ERC2: variants seen among roughly 807,000 people sequenced by gnomAD.
ERC2 encodes the protein ELKS/RAB6-interacting/CAST family member 2.
A neutral mutation model predicts 114.8 loss-of-function variants in ERC2; 42 were observed. The ratio of observed to expected loss-of-function variants is 0.37; its 90% CI spans 0.29 to 0.47. ERC2 has a LOEUF of 0.47. ERC2 is among the 20% of genes least tolerant of loss of function. The pLI is 0.99. For missense variants in ERC2, 939 were observed against 1,150.7 expected, an observed-to-expected ratio of 0.82 and a Z score of 2.66; for synonymous variants, 454 against 425.5, an observed-to-expected ratio of 1.07 and a Z score of -0.82.
At chr3:56,299,433 ATT>A (rs202209933) in intron 2 of ERC2, among the ~76,000 whole-genome samples, 6 of 120,804 alleles carry the variant, frequency 5.0e-5, no homozygotes, top group Admixed American at 8.6e-5. Context: ...CAGCTAATAG[ATT>A]TTTTTTTTTT....
At chr3:56,186,455 C>T (rs1349916503) in intron 3 of ERC2, among the ~76,000 whole-genome samples, 4 of 152,106 alleles carry the variant, frequency 2.6e-5, no homozygotes, top group Non-Finnish European at 5.9e-5. Context: ...GGTTCATCTC[C>T]GATGATAACA....
intron 14 of ERC2, among the ~76,000 whole-genome samples, chr3:55,829,685 C>T (rs1325288058): frequency 6.6e-6 from 1 of 152,058 alleles, no homozygotes; most frequent in Non-Finnish European, 1.5e-5. Context: ...CAGTTAATTG[C>T]TTTTTAAAAT....
chr3:55,707,007 G>T (rs2063527107), intron 15 of ERC2, among the ~76,000 whole-genome samples: 1 of 152,248 alleles, frequency 6.6e-6, no homozygotes, highest in African/African-American at 2.4e-5. Flanking sequence ...AGAGAGGGAA[G>T]AATGTCTTCA....
At chr3:55,986,075 C>T (rs2070604399) in intron 11 of ERC2, 87 bp from the exon 12 acceptor site, 1 of 1,289,874 alleles carries the variant, frequency 7.8e-7, no homozygotes, top group Non-Finnish European at 1.1e-6. Context: ...GAAGGAAATG[C>T]ATTAGTTTTA....
chr3:56,189,416 C>T (rs2083844655), intron 3 of ERC2, among the ~76,000 whole-genome samples: 1 of 152,212 alleles, frequency 6.6e-6, no homozygotes, highest in South Asian at 2.1e-4. Context: ...CAAGAACTGG[C>T]CATTCCACGC....
intron 14 of ERC2, among the ~76,000 whole-genome samples, chr3:55,735,596 A>C (rs971499670): frequency 2.6e-5 from 4 of 152,174 alleles, no homozygotes; most frequent in African/African-American, 9.7e-5. Flanking sequence ...CATGATCCTC[A>C]TGATCTAAGC....
At chr3:56,417,526 T>G (rs539795423) in intron 2 of ERC2, among the ~76,000 whole-genome samples, 262 of 152,292 alleles carry the variant, frequency 1.7e-3, no homozygotes, top group African/African-American at 6.1e-3. Flanking sequence ...CCTAAGCAGC[T>G]CATCTGAACT....
At chr3:56,102,461 T>C (rs2078414340) in intron 6 of ERC2, among the ~76,000 whole-genome samples, 1 of 152,060 alleles carries the variant, frequency 6.6e-6, no homozygotes, top group Non-Finnish European at 1.5e-5. Flanking sequence ...GAAAACTGAA[T>C]CCTGGGGACT....
intron 6 of ERC2, among the ~76,000 whole-genome samples, chr3:56,112,027 A>G (rs1463873195): frequency 1.3e-5 from 2 of 152,234 alleles, no homozygotes; most frequent in Admixed American, 6.5e-5. Flanking sequence ...TGTGCAGAAT[A>G]AAAATTTGAA....
At chr3:56,440,893 T>C (rs1183736752) in intron 1 of ERC2, among the ~76,000 whole-genome samples, 1 of 152,216 alleles carries the variant, frequency 6.6e-6, no homozygotes, top group Non-Finnish European at 1.5e-5. Context: ...ACAGATACTA[T>C]GAGCCTCCAA....
Position 56,418,428 on chromosome 3 carries a change from A to C in ERC2, c.657+15923T>G, listed in dbSNP as rs1383473191. ...CACAGAGCTACTCACTCCATACTAC[A>C]GTCAATCCTGACACTGGAGACTGAC... On this transcript the variant is annotated intron_variant, in intron 2 of 17. Coordinates refer to ENST00000288221, the MANE Select transcript of ERC2 (RefSeq NM_015576.3). 2.6e-5 allele frequency among the ~76,000 whole-genome samples: 4 copies of C among 152,258 alleles called. No homozygotes were observed. The South Asian group carries it at 8.3e-4, about 32-fold the overall frequency.
At chr3:55,969,435 A>C (rs924532418) in intron 12 of ERC2, among the ~76,000 whole-genome samples, 2 of 129,694 alleles carry the variant, frequency 1.5e-5, no homozygotes, top group African/African-American at 5.4e-5. Flanking sequence ...ACACACACAC[A>C]CCCTTCACCA....
In ERC2 at chr3:55,510,467, G is replaced by A. The variant is rs924151005; in HGVS notation, c.*849C>T. The A allele has an allele frequency of 1.3e-5, 2 of 152,486 alleles. No homozygotes were observed. Among genetic ancestry groups the A allele is most frequent in the African/African-American group, 4.8e-5 (2 of 41,396 alleles). 9.4% of individuals were successfully genotyped at this position (152,486 alleles called of 1,614,324 possible). ...GAACACAGGGACTAGAGATATGCAGGTGCCTCAGACTTTTGCCACTCTCCA... is the reference window on the plus strand; with the variant it reads ...GAACACAGGGACTAGAGATATGCAGATGCCTCAGACTTTTGCCACTCTCCA... On this transcript the variant is annotated 3_prime_UTR_variant, in exon 18 of 18. Coordinates refer to ENST00000288221, the MANE Select transcript of ERC2 (RefSeq NM_015576.3).
In ERC2 at chr3:55,796,827, A is replaced by G. The variant is rs540631768; in HGVS notation, c.2565-61909T>C. 2.5e-3 allele frequency among the ~76,000 whole-genome samples: 376 copies of G among 152,332 alleles called. 1 individual carries two copies. Among genetic ancestry groups the G allele is most frequent in the African/African-American group, 8.6e-3 (357 of 41,582 alleles). ...TTCACACTACTCGCAAGCCTAATATATTTACTATCTGGCCTTTTAAGAAAA... is the reference window on the plus strand; with the variant it reads ...TTCACACTACTCGCAAGCCTAATATGTTTACTATCTGGCCTTTTAAGAAAA... On this transcript the variant is annotated intron_variant, in intron 14 of 17. Coordinates refer to ENST00000288221, the MANE Select transcript of ERC2 (RefSeq NM_015576.3).
intron 13 of ERC2, among the ~76,000 whole-genome samples, chr3:55,922,874 G>A (rs2065509609): frequency 6.6e-6 from 1 of 152,154 alleles, no homozygotes; most frequent in Admixed American, 6.6e-5. Context: ...TGAGATGGCT[G>A]TTGTCAAAAA....
chr3:55,700,089 A>G (rs843798), intron 15 of ERC2, among the ~76,000 whole-genome samples: 108,766 of 152,118 alleles, frequency 0.72, 40,059 homozygotes, highest in East Asian at 0.87. Flanking sequence ...TTTGTTCCTT[A>G]AGGGAACTGA....
At chr3:55,604,940 A>G (rs1575737962) in intron 17 of ERC2, among the ~76,000 whole-genome samples, 1 of 152,136 alleles carries the variant, frequency 6.6e-6, no homozygotes, top group South Asian at 2.1e-4. Flanking sequence ...GACTCCATCT[A>G]CAGAGATTCT....
chr3:55,673,055 G>A (rs892016483), intron 17 of ERC2, among the ~76,000 whole-genome samples: 1 of 152,148 alleles, frequency 6.6e-6, no homozygotes, highest in Admixed American at 6.5e-5. Flanking sequence ...TCCCAAGCCT[G>A]TTATATAATG....
At chr3:55,911,883 A>G (rs1274585294) in intron 13 of ERC2, among the ~76,000 whole-genome samples, 1 of 152,204 alleles carries the variant, frequency 6.6e-6, no homozygotes, top group Non-Finnish European at 1.5e-5. Context: ...GTTCCACTCA[A>G]ACTTGAAAGG....
Sources: allele counts gnomAD v4.1 joint callset (sites outside exome capture counted in the v4.1 genomes callset), GRCh38; gene constraint gnomAD v4.1.1; transcripts MANE v1.5; gene names NCBI Gene and HGNC (gene_info 2026-07-23, HGNC 2026-07-21).